The following RRAS2 variants were observed in gnomAD, a reference collection of about 807,000 sequenced individuals.
RRAS2 encodes RAS related 2, also known as ras-related protein R-Ras2.
Under a neutral mutation model 27.6 loss-of-function variants are expected in RRAS2, and 7 were observed. The ratio of observed to expected loss-of-function variants is 0.25; its 90% CI spans 0.14 to 0.48. The LOEUF is 0.48. Among genes scored for constraint, RRAS2 ranks in the 20% least tolerant of loss-of-function variants. The pLI is 0.99. For synonymous variants in RRAS2, 86 were observed against 90.9 expected, an observed-to-expected ratio of 0.95 and a Z score of 0.31; for missense variants, 178 against 256.2, an observed-to-expected ratio of 0.69 and a Z score of 2.08.
rs1849153769 is a variant in RRAS2, at chr11:14,359,175, T to G, written c.-305A>C. On this transcript the variant is annotated 5_prime_UTR_variant, in exon 1 of 6. Coordinates refer to ENST00000256196, the MANE Select transcript of RRAS2 (RefSeq NM_012250.6). ...ACGCAGCCTCCAGCGCCGCCACAAA[T>G]GGCCGTCTGGGGGCCGGGCTGCCAG... 9.2e-6 allele frequency: 9 copies of G among 974,280 alleles called. No homozygotes were observed. Among genetic ancestry groups the G allele is most frequent in the Admixed American group, 7.0e-5 (1 of 14,378 alleles). 60.4% of individuals were successfully genotyped at this position (974,280 alleles called of 1,614,324 possible).
intron 4 of RRAS2, among the ~76,000 whole-genome samples, chr11:14,283,595 C>T (rs1055115171): frequency 6.6e-6 from 1 of 152,092 alleles, no homozygotes; most frequent in East Asian, 1.9e-4. Context: ...AGATAAAGTA[C>T]TACTGATATT....
chr11:14,290,866 G>A (rs1376634211), intron 4 of RRAS2, among the ~76,000 whole-genome samples: 1 of 152,144 alleles, frequency 6.6e-6, no homozygotes. Context: ...GGGAATGTGA[G>A]ATTAAAAGTT....
intron 1 of RRAS2, among the ~76,000 whole-genome samples, chr11:14,339,931 T>C (rs1848666223): frequency 6.6e-6 from 1 of 151,614 alleles, no homozygotes; most frequent in Non-Finnish European, 1.5e-5. Context: ...CTGGGCAATA[T>C]GGAGAGACCC....
chr11:14,290,102 G>A (rs1040737921), intron 4 of RRAS2, among the ~76,000 whole-genome samples: 16 of 152,172 alleles, frequency 1.1e-4, no homozygotes, highest in Admixed American at 5.9e-4. Flanking sequence ...GTAGAACAAC[G>A]TAAGTGTGTC....
chr11:14,286,245 T>C (rs185721380), intron 4 of RRAS2, among the ~76,000 whole-genome samples: 1 of 152,350 alleles, frequency 6.6e-6, no homozygotes, highest in Non-Finnish European at 1.5e-5. Flanking sequence ...ATTTTCTTGC[T>C]TCTTTATATG....
At chr11:14,341,692 T>C (rs955425499) in intron 1 of RRAS2, 2 of 323,642 alleles carry the variant, frequency 6.2e-6, no homozygotes, top group Admixed American at 7.0e-5. Flanking sequence ...TAACACCAAA[T>C]TAACAGCTAA....
In RRAS2 at chr11:14,352,756, TAGAGAG is replaced by T. The variant is rs370730897; in HGVS notation, c.108+6001_108+6006del. Among the ~76,000 whole-genome samples the T allele has an allele frequency of 1.7e-3, 222 of 128,742 alleles. No individual in the cohort carries two copies. The South Asian group carries it at 0.018, about 11-fold the overall frequency. The allele number at this position is 128,742 out of a possible 152,430, so 84.5% of individuals were successfully genotyped here. Reference sequence around the variant, plus strand: ...AAGAAACTTTTAAAATATATATATATAGAGAGAGAGAGAGAGAGAGAGAGGGAGAGA... The same window carrying T: ...AAGAAACTTTTAAAATATATATATATAGAGAGAGAGAGAGAGAGGGAGAGA... On this transcript the variant is annotated intron_variant, in intron 1 of 5. Coordinates refer to ENST00000256196, the MANE Select transcript of RRAS2 (RefSeq NM_012250.6).
At chr11:14,321,152 C>T (rs1848214700) in intron 1 of RRAS2, among the ~76,000 whole-genome samples, 2 of 151,432 alleles carry the variant, frequency 1.3e-5, no homozygotes, top group African/African-American at 4.9e-5. Context: ...GCACTCCACC[C>T]TAGACAACAG....
chr11:14,290,523 T>C (rs559954932), intron 4 of RRAS2, among the ~76,000 whole-genome samples: 4 of 152,294 alleles, frequency 2.6e-5, no homozygotes, highest in South Asian at 4.1e-4. Flanking sequence ...TTCAATAGCA[T>C]GCCCCCTAAG....
chr11:14,323,980 T>TAA (rs34742487), intron 1 of RRAS2, among the ~76,000 whole-genome samples: 20 of 145,718 alleles, frequency 1.4e-4, no homozygotes, highest in African/African-American at 4.3e-4. Context: ...ACATTTGTCT[T>TAA]AAAAAAAAAA....
chr11:14,313,835 T>C (rs1055739068), intron 1 of RRAS2, among the ~76,000 whole-genome samples: 5 of 152,170 alleles, frequency 3.3e-5, no homozygotes, highest in Admixed American at 6.5e-5. Flanking sequence ...AAAAAATAAA[T>C]TTCCCTTGTT....
intron 1 of RRAS2, among the ~76,000 whole-genome samples, chr11:14,328,387 A>AAAAAAGT (rs1848412303): frequency 6.9e-6 from 1 of 144,618 alleles, no homozygotes; most frequent in Non-Finnish European, 1.5e-5. Context: ...AAAAAAAAAA[A>AAAAAAGT]GAGTGAGAAA....
chr11:14,362,193 A>G (rs2134051720), upstream of RRAS2, among the ~76,000 whole-genome samples: 1 of 152,324 alleles, frequency 6.6e-6, no homozygotes, highest in East Asian at 1.9e-4. Context: ...ATTGGATTGT[A>G]TGCTTTATAT....
intron 1 of RRAS2, among the ~76,000 whole-genome samples, chr11:14,315,675 G>A (rs551456130): frequency 6.6e-6 from 1 of 152,238 alleles, no homozygotes; most frequent in African/African-American, 2.4e-5. Context: ...ACAGATATAT[G>A]GGAAGTTCCT....
At chr11:14,335,193 CTT>C (rs1554952424) in intron 1 of RRAS2, among the ~76,000 whole-genome samples, 1 of 152,212 alleles carries the variant, frequency 6.6e-6, no homozygotes, top group Non-Finnish European at 1.5e-5. Flanking sequence ...TGTTCCTTTT[CTT>C]CTTCCAGAGT....
At chr11:14,331,991 T>C (rs1172030930) in intron 1 of RRAS2, among the ~76,000 whole-genome samples, 1 of 152,098 alleles carries the variant, frequency 6.6e-6, no homozygotes, top group Non-Finnish European at 1.5e-5. Flanking sequence ...CACAATGAGA[T>C]ACCACAGCAC....
chr11:14,363,017 T>G (rs1849209392), upstream of RRAS2, among the ~76,000 whole-genome samples: 1 of 152,232 alleles, frequency 6.6e-6, no homozygotes, highest in South Asian at 2.1e-4. Flanking sequence ...TTTGTGTAAA[T>G]TTTGAATTGG....
chr11:14,308,135 C>T, intron 1 of RRAS2: 2 of 280,600 alleles, frequency 7.1e-6, no homozygotes, highest in Non-Finnish European at 1.4e-5. Context: ...GTTAAATACC[C>T]ACAGTTTATG....
chr11:14,294,748 T>C lies in RRAS2; in HGVS notation c.299+12A>G. On this transcript the variant is annotated intron_variant, in intron 3 of 5. Transcript: ENST00000256196. ...CAAGAACAGTGGATCTACATTCTAA[T>C]ATGGTACAAACCTGCCTCTATCTGT... 1 of 1,609,012 alleles carries C rather than the reference T, an allele frequency of 6.2e-7. No individual in the cohort carries two copies. The highest frequency in any genetic ancestry group is 1.7e-5 in the Admixed American group (1 of 59,924).
Sources: gnomAD v4.1 joint callset for allele counts (sites outside exome capture counted in the v4.1 genomes callset) on GRCh38, gnomAD v4.1.1 for gene constraint, MANE v1.5 for transcripts, NCBI Gene and HGNC (gene_info 2026-07-23, HGNC 2026-07-21) for gene names.